EDIL3: variants seen among roughly 807,000 people sequenced by gnomAD.
The protein encoded by EDIL3 is EGF like and discoidin domains 3.
Under a neutral mutation model 67.4 loss-of-function variants are expected in EDIL3, and 37 were observed. The observed-to-expected ratio is 0.55, with a 90% CI of 0.42 to 0.72. The LOEUF is 0.72. Ranked by LOEUF, EDIL3 falls within the 30% of genes least tolerant of loss-of-function variation. The probability of loss-of-function intolerance (pLI) is 0.00; values close to 1 mark genes in which losing one functional copy is unlikely to be tolerated. For synonymous variants in EDIL3, 195 were observed against 196.3 expected, an observed-to-expected ratio of 0.99 and a Z score of 0.05; for missense variants, 527 against 586.3, an observed-to-expected ratio of 0.90 and a Z score of 1.04.
chr5:84,215,669 A>G (rs1380440162), intron 3 of EDIL3, among the ~76,000 whole-genome samples: 1 of 152,194 alleles, frequency 6.6e-6, no homozygotes, highest in African/African-American at 2.4e-5. Flanking sequence ...CTGAGAATGC[A>G]CCTTCATGTG....
intron 9 of EDIL3, among the ~76,000 whole-genome samples, chr5:84,032,785 T>C (rs1745952666): frequency 6.6e-6 from 1 of 152,238 alleles, no homozygotes; most frequent in Admixed American, 6.5e-5. Flanking sequence ...GAATTATACA[T>C]GATATCATTT....
intron 10 of EDIL3, among the ~76,000 whole-genome samples, chr5:83,945,495 A>G (rs1456576489): frequency 6.6e-6 from 1 of 151,954 alleles, no homozygotes; most frequent in Non-Finnish European, 1.5e-5. Flanking sequence ...ATTAACTTTC[A>G]TTGCAAGATT....
At position 83,995,624 on chromosome 5, in the gene EDIL3, A is replaced by G. The variant is rs1349877003; in HGVS notation, c.1138-32264T>C. 2.6e-5 allele frequency among the ~76,000 whole-genome samples: 4 copies of G among 152,220 alleles called. No homozygotes were observed. In the East Asian group the frequency reaches 7.7e-4, roughly 29 times the overall value. On this transcript the variant is annotated intron_variant, in intron 9 of 10. Coordinates refer to ENST00000296591, the MANE Select transcript of EDIL3 (RefSeq NM_005711.5). The stretch of plus-strand genomic sequence containing the variant: ...CACATAATTACTTTAGGGATTAAAA[A>G]TATCATAATCTCTCCTGACAAGTCA...
At chr5:84,231,431 A>G (rs1744575402) in intron 2 of EDIL3, among the ~76,000 whole-genome samples, 1 of 152,164 alleles carries the variant, frequency 6.6e-6, no homozygotes, top group South Asian at 2.1e-4. Context: ...AGCCAGTCCT[A>G]TTTCACTTGA....
chr5:84,085,212 C>T (rs1339948389), intron 6 of EDIL3, among the ~76,000 whole-genome samples: 2 of 152,164 alleles, frequency 1.3e-5, no homozygotes, highest in Non-Finnish European at 1.5e-5. Flanking sequence ...TCCAGTTTTG[C>T]ACCCTTGCTG....
At chr5:84,256,326 A>G (rs1745123815) in intron 1 of EDIL3, among the ~76,000 whole-genome samples, 1 of 152,110 alleles carries the variant, frequency 6.6e-6, no homozygotes, top group South Asian at 2.1e-4. Context: ...GCTTAGTGGG[A>G]GAGATAAAAA....
At chr5:84,357,761 G>C (rs973479540) in intron 1 of EDIL3, among the ~76,000 whole-genome samples, 5 of 151,938 alleles carry the variant, frequency 3.3e-5, no homozygotes, top group Non-Finnish European at 2.9e-5. Context: ...GGTAGCATGT[G>C]CCTGTAATTC....
chr5:84,134,516 C>G (rs72776517), intron 5 of EDIL3, among the ~76,000 whole-genome samples: 12,280 of 152,152 alleles, frequency 0.081, 573 homozygotes, highest in Middle Eastern at 0.14. Context: ...CAGCTTAGAG[C>G]TGGTACCACC....
At chr5:84,119,456 G>C (rs1747733515) in intron 5 of EDIL3, among the ~76,000 whole-genome samples, 1 of 151,806 alleles carries the variant, frequency 6.6e-6, no homozygotes, top group Admixed American at 6.6e-5. Flanking sequence ...AAAAATCTCT[G>C]CCTGGGGGAA....
intron 3 of EDIL3, among the ~76,000 whole-genome samples, chr5:84,189,968 T>C (rs1743543756): frequency 6.6e-6 from 1 of 152,026 alleles, no homozygotes; most frequent in African/African-American, 2.4e-5. Context: ...AGAAGCCTTT[T>C]GTGAATTAGT....
intron 1 of EDIL3, among the ~76,000 whole-genome samples, chr5:84,322,933 A>C (rs1224218062): frequency 6.6e-6 from 1 of 152,000 alleles, no homozygotes; most frequent in Non-Finnish European, 1.5e-5. Context: ...TACAAGAAAA[A>C]AAATGTCAAT....
chr5:84,345,975 T>C (rs1747229671), intron 1 of EDIL3, among the ~76,000 whole-genome samples: 1 of 152,134 alleles, frequency 6.6e-6, no homozygotes. Context: ...GAAAACTGCT[T>C]ACCGGCACAG....
At chr5:84,325,581 C>T (rs767917482) in intron 1 of EDIL3, among the ~76,000 whole-genome samples, 2 of 151,956 alleles carry the variant, frequency 1.3e-5, no homozygotes, top group Non-Finnish European at 2.9e-5. Context: ...CGTATTGTGG[C>T]TCCTCAAAAA....
At chr5:84,040,664 T>C (rs1040499383) in intron 9 of EDIL3, among the ~76,000 whole-genome samples, 3 of 152,012 alleles carry the variant, frequency 2.0e-5, no homozygotes, top group Non-Finnish European at 4.4e-5. Flanking sequence ...AGATTTGTTG[T>C]TGGATTTATT....
In EDIL3 at chr5:84,384,227, C is replaced by T. The variant is rs1482879015; in HGVS notation, c.67+81G>A. 65 of 1,503,308 alleles carry T rather than the reference C, an allele frequency of 4.3e-5. 1 individual carries two copies. The highest frequency in any genetic ancestry group is 1.9e-4 in the Middle Eastern group (1 of 5,190). 93.1% of individuals were successfully genotyped at this position (1,503,308 alleles called of 1,614,324 possible). On this transcript the variant is annotated intron_variant, in intron 1 of 10. Coordinates refer to ENST00000296591, the MANE Select transcript of EDIL3 (RefSeq NM_005711.5). ...GCCACCCTTGGCACGCCGGAGGGAC[C>T]GCCTCCGGCCCCCTGCGCGGCGTTT...
rs534957410 is a variant in EDIL3 at position 84,197,794 on chromosome 5, C to A, written c.227-17273G>T. Among the ~76,000 whole-genome samples, 6 of 152,068 alleles carry A rather than the reference C, an allele frequency of 3.9e-5. No homozygotes were observed. In the South Asian group the frequency reaches 1.2e-3, roughly 32 times the overall value. ...GAGAAAGCCAGAAAGATTTGCATAG[C>A]CTGATTATAACAAGCCTCACTAGGC... On this transcript the variant is annotated intron_variant, in intron 3 of 10. Transcript: ENST00000296591.
At chr5:84,149,140 G>A (rs1405776352) in intron 4 of EDIL3, among the ~76,000 whole-genome samples, 1 of 152,188 alleles carries the variant, frequency 6.6e-6, no homozygotes, top group Non-Finnish European at 1.5e-5. Context: ...GGAGTCTGGA[G>A]AGTCGACGGA....
At chr5:84,129,343 AT>A (rs1340257461) in intron 5 of EDIL3, among the ~76,000 whole-genome samples, 2 of 152,102 alleles carry the variant, frequency 1.3e-5, no homozygotes, top group Non-Finnish European at 1.5e-5. Flanking sequence ...GAAGTGAGAA[AT>A]TAAGTTAAAA....
chr5:84,361,615 T>C (rs1747610688), intron 1 of EDIL3, among the ~76,000 whole-genome samples: 1 of 151,966 alleles, frequency 6.6e-6, no homozygotes, highest in African/African-American at 2.4e-5. Flanking sequence ...TATCTTACTG[T>C]ACTTATTTTA....
Sources: allele counts gnomAD v4.1 joint callset (sites outside exome capture counted in the v4.1 genomes callset), GRCh38; gene constraint gnomAD v4.1.1; transcripts MANE v1.5; gene names NCBI Gene and HGNC (gene_info 2026-07-23, HGNC 2026-07-21).